TUSC3: variants seen among roughly 807,000 people sequenced by gnomAD.
TUSC3 encodes tumor suppressor candidate 3.
A neutral mutation model predicts 44.8 loss-of-function variants in TUSC3; 45 were observed. The ratio of observed to expected loss-of-function variants is 1.00; its 90% CI spans 0.79 to 1.29. TUSC3 has a LOEUF of 1.29. Ranked by LOEUF, TUSC3 falls within the 50% of genes most tolerant of loss-of-function variation. TUSC3 has a pLI of 0.00. For missense variants in TUSC3, 519 were observed against 437.9 expected (o/e 1.19, Z -1.65); for synonymous variants, 212 against 152.9 (o/e 1.39, Z -2.85).
intron 1 of TUSC3, among the ~76,000 whole-genome samples, chr8:15,473,796 G>T (rs1178667221): frequency 6.6e-6 from 1 of 152,134 alleles, no homozygotes; most frequent in East Asian, 1.9e-4. Flanking sequence ...ACAGGACAAG[G>T]CAAAACAGAA....
chr8:15,485,651 G>A (rs998841132), intron 2 of TUSC3, among the ~76,000 whole-genome samples: 4 of 152,174 alleles, frequency 2.6e-5, no homozygotes, highest in Admixed American at 6.5e-5. Context: ...AACCACATGC[G>A]TCAGTGCAGG....
chr8:15,554,356 C>G (rs904560026), intron 1 of TUSC3, among the ~76,000 whole-genome samples: 2 of 151,680 alleles, frequency 1.3e-5, no homozygotes, highest in Non-Finnish European at 2.9e-5. Context: ...CTTGCAGCAC[C>G]ATTGCATGCT....
intron 7 of TUSC3, among the ~76,000 whole-genome samples, chr8:15,740,777 T>C (rs976571787): frequency 5.3e-5 from 8 of 152,192 alleles, no homozygotes; most frequent in Non-Finnish European, 8.8e-5. Flanking sequence ...ATTCCACTTA[T>C]GGTTATAGAC....
chr8:15,499,514 T>C (rs1415317311), intron 2 of TUSC3, among the ~76,000 whole-genome samples: 6 of 152,228 alleles, frequency 3.9e-5, no homozygotes, highest in Non-Finnish European at 2.9e-5. Flanking sequence ...TTGAAGTTCA[T>C]GTCAATGGAC....
At chr8:15,669,600 G>A (rs1022852428) in intron 5 of TUSC3, among the ~76,000 whole-genome samples, 2 of 151,656 alleles carry the variant, frequency 1.3e-5, no homozygotes, top group African/African-American at 4.8e-5. Flanking sequence ...AATTCTCTGT[G>A]CTAATAAACA....
intron 2 of TUSC3, among the ~76,000 whole-genome samples, chr8:15,632,677 T>A (rs1805825409): frequency 6.6e-6 from 1 of 152,226 alleles, no homozygotes; most frequent in African/African-American, 2.4e-5. Context: ...ATTTTCAAAT[T>A]AAGTGATTTC....
chr8:15,446,314 C>A (rs537894867), intron 1 of TUSC3, among the ~76,000 whole-genome samples: 11 of 152,050 alleles, frequency 7.2e-5, no homozygotes, highest in African/African-American at 2.7e-4. Context: ...CTCCTTACTT[C>A]CCAGACGGGG....
chr8:15,801,424 A>G, the TUSC3 span, among the ~76,000 whole-genome samples: 1 of 152,188 alleles, frequency 6.6e-6, no homozygotes, highest in African/African-American at 2.4e-5. Flanking sequence ...TATTTGTGTG[A>G]TGAATGAGTT....
chr8:15,534,191 T>C (rs956878810), intron 2 of TUSC3, among the ~76,000 whole-genome samples: 1 of 152,122 alleles, frequency 6.6e-6, no homozygotes, highest in Non-Finnish European at 1.5e-5. Context: ...AATTATGAGA[T>C]AAAATGAAAA....
At chr8:15,637,221 C>T (rs968186490) in intron 2 of TUSC3, among the ~76,000 whole-genome samples, 1 of 150,080 alleles carries the variant, frequency 6.7e-6, no homozygotes, top group African/African-American at 2.4e-5. Context: ...TTAAAATCCA[C>T]CCCATTCCCT....
intron 8 of TUSC3, among the ~76,000 whole-genome samples, chr8:15,747,115 T>G (rs1811449452): frequency 6.6e-6 from 1 of 152,054 alleles, no homozygotes; most frequent in Admixed American, 6.6e-5. Flanking sequence ...GCATAAAAAT[T>G]GACACATTTG....
intron 8 of TUSC3, among the ~76,000 whole-genome samples, chr8:15,745,588 C>T (rs964839219): frequency 6.6e-6 from 1 of 151,676 alleles, no homozygotes; most frequent in Non-Finnish European, 1.5e-5. Flanking sequence ...GTTTACTGGC[C>T]ACTTGTCTGT....
chr8:15,778,099 C>CAAA, the TUSC3 span, among the ~76,000 whole-genome samples: 12,025 of 134,490 alleles, frequency 0.089, 890 homozygotes, highest in African/African-American at 0.21. Context: ...CACTTTAAGG[C>CAAA]AAAAAAAAAA....
At chr8:15,835,981 T>G in the TUSC3 span, among the ~76,000 whole-genome samples, 1 of 152,166 alleles carries the variant, frequency 6.6e-6, no homozygotes, top group African/African-American at 2.4e-5. Context: ...TGTTCTACAG[T>G]CATTGCAAAT....
chr8:15,825,707 T>TAATGTGA, the TUSC3 span, among the ~76,000 whole-genome samples: 1 of 152,144 alleles, frequency 6.6e-6, no homozygotes, highest in Admixed American at 6.6e-5. Flanking sequence ...GTGTTACGTA[T>TAATGTGA]AATGTGAAAT....
chr8:15,843,621 T>TATATATATATATATATATATATACACAC, the TUSC3 span, among the ~76,000 whole-genome samples: 49 of 146,748 alleles, frequency 3.3e-4, no homozygotes, highest in African/African-American at 1.2e-3. Context: ...TATATATATA[T>TATATATATATATATATATATATACACAC]ACACGCACAT....
At chr8:15,788,318 A>C in the TUSC3 span, among the ~76,000 whole-genome samples, 2 of 152,134 alleles carry the variant, frequency 1.3e-5, no homozygotes. Flanking sequence ...AGGCCAAGGC[A>C]GGAGGATCAC....
the TUSC3 span, among the ~76,000 whole-genome samples, chr8:15,802,999 A>G: frequency 6.6e-6 from 1 of 152,200 alleles, no homozygotes; most frequent in African/African-American, 2.4e-5. Context: ...GTGATTCAGT[A>G]AACAACTTAT....
At chr8:15,813,690 A>G in the TUSC3 span, among the ~76,000 whole-genome samples, 547 of 152,290 alleles carry the variant, frequency 3.6e-3, 3 homozygotes, top group African/African-American at 0.013. Context: ...TTTTAACTCA[A>G]CAAGTTTGCA....
Sources: gnomAD v4.1 joint callset for allele counts (sites outside exome capture counted in the v4.1 genomes callset) on GRCh38, gnomAD v4.1.1 for gene constraint, MANE v1.5 for transcripts, NCBI Gene and HGNC (gene_info 2026-07-23, HGNC 2026-07-21) for gene names.